Variants in PDE12 observed in about 807,000 individuals in gnomAD.
The protein encoded by PDE12 is 2',5'-phosphodiesterase 12.
PDE12 carries 26 observed loss-of-function variants against 45.4 expected under a neutral mutation model. The ratio of observed to expected loss-of-function variants is 0.57; its 90% CI spans 0.42 to 0.79. The LOEUF (loss-of-function observed/expected upper bound fraction) is 0.79, where lower values mean the gene tolerates loss of function less well. Among genes scored for constraint, PDE12 ranks in the 30% least tolerant of loss-of-function variants. PDE12 has a pLI of 0.00. For missense variants in PDE12, 668 were observed against 790.0 expected (o/e 0.85, Z 1.85); for synonymous variants, 283 against 323.9 (o/e 0.87, Z 1.36).
chr3:57,605,453 CAT>C, the PDE12 span, among the ~76,000 whole-genome samples: 1 of 152,084 alleles, frequency 6.6e-6, no homozygotes, highest in African/African-American at 2.4e-5. Context: ...GAAAAAAACT[CAT>C]AACCTGTGGG....
chr3:57,576,127 T>A, the PDE12 span, among the ~76,000 whole-genome samples: 2 of 152,076 alleles, frequency 1.3e-5, no homozygotes, highest in African/African-American at 4.8e-5. Context: ...GTTGGCAGTA[T>A]CATGAAATAT....
chr3:57,630,653 TTTTTG>T, the PDE12 span: 2 of 1,562,214 alleles, frequency 1.3e-6, no homozygotes, highest in South Asian at 2.4e-5. Flanking sequence ...TAAGTTTAGC[TTTTTG>T]TTTTGCTTTT....
chr3:57,610,983 C>T, the PDE12 span, among the ~76,000 whole-genome samples: 3,661 of 152,224 alleles, frequency 0.024, 70 homozygotes, highest in Non-Finnish European at 0.035. Context: ...TGACTTCAAA[C>T]TATATTACAA....
At chr3:57,629,124 A>T in the PDE12 span, among the ~76,000 whole-genome samples, 1 of 152,228 alleles carries the variant, frequency 6.6e-6, no homozygotes, top group African/African-American at 2.4e-5. Flanking sequence ...AAATGTACTG[A>T]GGTGGCTTTT....
chr3:57,651,491 T>C, the PDE12 span, among the ~76,000 whole-genome samples: 1 of 152,060 alleles, frequency 6.6e-6, no homozygotes, highest in Non-Finnish European at 1.5e-5. Context: ...AGTAAATTAG[T>C]AATGGCAAGG....
the PDE12 span, among the ~76,000 whole-genome samples, chr3:57,579,594 T>C: frequency 1.3e-5 from 2 of 152,140 alleles, no homozygotes; most frequent in African/African-American, 4.8e-5. Flanking sequence ...AGCCCCATCC[T>C]ACATCATTTT....
At position 57,556,400 on chromosome 3, in the gene PDE12, C is replaced by T. The variant is rs1212359381; in HGVS notation, c.21C>T (p.Ala7=). The part of the protein sequence containing the change: MWRLPG[A]RAALRVIRTA... Reference sequence around the variant, plus strand: ...GGTTCATGTGGAGGCTCCCAGGCGCCCGCGCCGCGCTTCGGGTGATCCGGA... The same window carrying T: ...GGTTCATGTGGAGGCTCCCAGGCGCTCGCGCCGCGCTTCGGGTGATCCGGA... Residue 7 remains alanine, a synonymous_variant, in exon 1 of 3, where the codon GCC becomes GCT. Transcript: ENST00000311180. This position sits in a 1 kb window ranked among gnomAD's most constrained non-coding sequence, Gnocchi z 5.0. The T allele has an allele frequency of 6.3e-7, 1 of 1,594,626 alleles. No individual in the cohort carries two copies. Among genetic ancestry groups the T allele is most frequent in the Non-Finnish European group, 8.5e-7 (1 of 1,171,050 alleles).
chr3:57,621,665 T>C, the PDE12 span, among the ~76,000 whole-genome samples: 1 of 151,238 alleles, frequency 6.6e-6, no homozygotes, highest in Non-Finnish European at 1.5e-5. Context: ...GTCTCAAAAA[T>C]AAAATAAAAT....
At chr3:57,603,732 C>G in the PDE12 span, among the ~76,000 whole-genome samples, 1 of 151,664 alleles carries the variant, frequency 6.6e-6, no homozygotes, top group Non-Finnish European at 1.5e-5. Flanking sequence ...AAGTGATTCT[C>G]CTGCCTCAGC....
At chr3:57,620,340 C>T in the PDE12 span, among the ~76,000 whole-genome samples, 35 of 151,648 alleles carry the variant, frequency 2.3e-4, 1 homozygote, top group East Asian at 6.8e-3. Context: ...CATTTGAGCC[C>T]AGGAGTTTGA....
At chr3:57,627,993 C>T in the PDE12 span, 10 of 485,592 alleles carry the variant, frequency 2.1e-5, no homozygotes, top group Non-Finnish European at 3.1e-5. Flanking sequence ...AAATGCCTTT[C>T]GGTGTTTCAG....
chr3:57,629,069 T>G, the PDE12 span, among the ~76,000 whole-genome samples: 3 of 152,252 alleles, frequency 2.0e-5, no homozygotes, highest in Non-Finnish European at 4.4e-5. Flanking sequence ...TTAGATAATT[T>G]TCTGCATTAG....
At chr3:57,637,772 A>G in the PDE12 span, among the ~76,000 whole-genome samples, 27 of 150,644 alleles carry the variant, frequency 1.8e-4, no homozygotes, top group Non-Finnish European at 2.9e-4. Context: ...ACTTCAAAAA[A>G]AAAAAAAGCA....
At chr3:57,614,699 C>A in the PDE12 span, among the ~76,000 whole-genome samples, 1 of 151,430 alleles carries the variant, frequency 6.6e-6, no homozygotes, top group Non-Finnish European at 1.5e-5. Flanking sequence ...CGCCTGCCAA[C>A]ACGCCCGGCT....
Position 57,560,450 on chromosome 3 carries a change from C to G in PDE12, c.*446C>G, listed in dbSNP as rs758672373. The stretch of plus-strand genomic sequence containing the variant: ...AAGCGATTCTCCTGCCTCAGCTTCC[C>G]GAGTAGCTGGGATTACAGGCGTGCG... On this transcript the variant is annotated 3_prime_UTR_variant, in exon 3 of 3. Coordinates refer to ENST00000311180, the MANE Select transcript of PDE12 (RefSeq NM_177966.7). The G allele has an allele frequency of 3.3e-5, 15 of 459,766 alleles. No individual in the cohort carries two copies. The highest frequency in any genetic ancestry group is 4.3e-5 in the Non-Finnish European group (15 of 348,266). 28.5% of individuals were successfully genotyped at this position (459,766 alleles called of 1,614,324 possible).
At chr3:57,627,642 A>G in the PDE12 span, 14 of 152,626 alleles carry the variant, frequency 9.2e-5, no homozygotes, top group African/African-American at 3.4e-4. Flanking sequence ...TTTTTTTTAA[A>G]CAATGATCAC....
At chr3:57,619,928 T>C in the PDE12 span, among the ~76,000 whole-genome samples, 1 of 150,338 alleles carries the variant, frequency 6.7e-6, no homozygotes, top group East Asian at 2.0e-4. Flanking sequence ...TCATAATTAG[T>C]GATGAAAAAT....
chr3:57,601,897 AC>A, the PDE12 span, among the ~76,000 whole-genome samples: 1 of 150,182 alleles, frequency 6.7e-6, no homozygotes, highest in Non-Finnish European at 1.5e-5. Context: ...GGTGCACACC[AC>A]CACACCCGGC....
chr3:57,590,089 C>CAATGAATA, the PDE12 span, among the ~76,000 whole-genome samples: 7 of 135,164 alleles, frequency 5.2e-5, no homozygotes, highest in Admixed American at 1.5e-4. Flanking sequence ...GACTCTGTCT[C>CAATGAATA]AATAAATAAA....
Sources: gnomAD v4.1 joint callset for allele counts (sites outside exome capture counted in the v4.1 genomes callset) on GRCh38, gnomAD v4.1.1 for gene constraint, Gnocchi (gnomAD v3.1) non-coding constraint, MANE v1.5 for transcripts, NCBI Gene and HGNC (gene_info 2026-07-23, HGNC 2026-07-21) for gene names.